The following PRKCH variants were observed in gnomAD, a reference collection of about 807,000 sequenced individuals.
PRKCH encodes the protein protein kinase C eta, also known as protein kinase C eta type.
Under a neutral mutation model 82.5 loss-of-function variants are expected in PRKCH, and 28 were observed. The ratio of observed to expected loss-of-function variants is 0.34; its 90% CI spans 0.25 to 0.47. PRKCH has a LOEUF of 0.47. PRKCH is among the 20% of genes least tolerant of loss of function. PRKCH has a pLI of 1.00. For synonymous variants in PRKCH, 322 were observed against 327.4 expected, an observed-to-expected ratio of 0.98 and a Z score of 0.18; for missense variants, 705 against 881.8, an observed-to-expected ratio of 0.80 and a Z score of 2.54.
intron 1 of PRKCH, among the ~76,000 whole-genome samples, chr14:61,315,264 G>A (rs886236680): frequency 4.6e-5 from 7 of 151,976 alleles, no homozygotes; most frequent in Non-Finnish European, 1.0e-4. Flanking sequence ...GTGTAGTAGC[G>A]GTAGTTTTCA....
chr14:61,520,054 G>A (rs1372195001), intron 10 of PRKCH, among the ~76,000 whole-genome samples: 2 of 144,562 alleles, frequency 1.4e-5, no homozygotes, highest in Non-Finnish European at 1.5e-5. Flanking sequence ...GGGAATTATG[G>A]CCTTAAATAC....
intron 9 of PRKCH, among the ~76,000 whole-genome samples, chr14:61,481,867 T>C (rs751126772): frequency 3.3e-5 from 5 of 152,252 alleles, no homozygotes; most frequent in East Asian, 3.9e-4. Flanking sequence ...CAGCAGCAGC[T>C]ATCACTTACT....
At chr14:61,324,387 A>G (rs1196230649) in intron 1 of PRKCH, among the ~76,000 whole-genome samples, 1 of 152,234 alleles carries the variant, frequency 6.6e-6, no homozygotes, top group Non-Finnish European at 1.5e-5. Context: ...AGGGAGGGTC[A>G]GCATTTAAAT....
intron 1 of PRKCH, among the ~76,000 whole-genome samples, chr14:61,355,555 C>T (rs984041593): frequency 1.3e-5 from 2 of 152,042 alleles, no homozygotes; most frequent in African/African-American, 4.8e-5. Flanking sequence ...GGATGATCAT[C>T]AAATAAATAT....
At chr14:61,538,676 C>T (rs2043143703) in intron 12 of PRKCH, among the ~76,000 whole-genome samples, 1 of 152,174 alleles carries the variant, frequency 6.6e-6, no homozygotes, top group Non-Finnish European at 1.5e-5. Context: ...GATTTGCTAA[C>T]CGGTGTCTGT....
chr14:61,477,958 A>C (rs1156240409), intron 9 of PRKCH, among the ~76,000 whole-genome samples: 1 of 152,042 alleles, frequency 6.6e-6, no homozygotes, highest in Non-Finnish European at 1.5e-5. Flanking sequence ...CCAGTCTTGG[A>C]GGTCTGTGAA....
chr14:61,402,076 C>A (rs954960899), intron 2 of PRKCH, among the ~76,000 whole-genome samples: 4 of 152,184 alleles, frequency 2.6e-5, no homozygotes, highest in Admixed American at 1.3e-4. Context: ...GACAACTTCC[C>A]AGTACTTATT....
At chr14:61,528,825 G>A (rs1047171750) in intron 10 of PRKCH, 8 of 298,100 alleles carry the variant, frequency 2.7e-5, no homozygotes, top group African/African-American at 1.5e-4. Flanking sequence ...ACATTTTCCT[G>A]TGGTCAGCCC....
In PRKCH at chr14:61,394,539, ACT is replaced by A. The variant is rs148325514; in HGVS notation, c.427+3256_427+3257del. ...ATTCTCTCTCATTCGAGCTGAATCA[ACT>A]CTCTGCATTAAGTTACAAGGGACTG... is the stretch of plus-strand genomic sequence containing the variant. On this transcript the variant is annotated intron_variant, in intron 2 of 13. Coordinates refer to ENST00000332981, the MANE Select transcript of PRKCH (RefSeq NM_006255.5). Among the ~76,000 whole-genome samples, 132 of 152,220 alleles carry A rather than the reference ACT, an allele frequency of 8.7e-4. 1 individual carries two copies. The highest frequency in any genetic ancestry group is 1.5e-3 in the Non-Finnish European group (102 of 68,014).
intron 1 of PRKCH, among the ~76,000 whole-genome samples, chr14:61,195,912 G>A (rs1042617439): frequency 6.6e-6 from 1 of 152,160 alleles, no homozygotes; most frequent in Admixed American, 6.5e-5. Flanking sequence ...AGCACCCTGG[G>A]GGTTAGGGCT....
intron 10 of PRKCH, among the ~76,000 whole-genome samples, chr14:61,496,087 G>A (rs1886656096): frequency 1.3e-5 from 2 of 152,194 alleles, no homozygotes; most frequent in Non-Finnish European, 2.9e-5. Flanking sequence ...AGGAGCAGCA[G>A]AGGGACCAGT....
intron 1 of PRKCH, among the ~76,000 whole-genome samples, chr14:61,293,757 C>G (rs1314800561): frequency 6.6e-6 from 1 of 152,188 alleles, no homozygotes; most frequent in Admixed American, 6.5e-5. Flanking sequence ...CGGTCAGCCT[C>G]TGCTTGCAAA....
At chr14:61,428,321 C>T (rs577317438) in intron 2 of PRKCH, among the ~76,000 whole-genome samples, 16 of 152,022 alleles carry the variant, frequency 1.1e-4, no homozygotes, top group African/African-American at 3.4e-4. Flanking sequence ...TCTATTCTGT[C>T]GGTTTTAGGT....
chr14:61,225,817 C>T (rs550943092), intron 1 of PRKCH, among the ~76,000 whole-genome samples: 6 of 151,922 alleles, frequency 3.9e-5, no homozygotes, highest in Admixed American at 1.3e-4. Context: ...TGGCTCACTG[C>T]AACCTCTGCT....
chr14:61,220,097 GCAGA>G (rs1016996255), intron 1 of PRKCH, among the ~76,000 whole-genome samples: 6 of 152,150 alleles, frequency 3.9e-5, no homozygotes, highest in Admixed American at 6.5e-5. Context: ...CCCTGGGAAG[GCAGA>G]CAGTCCCAGG....
intron 3 of PRKCH, 48 bp downstream of exon 3, chr14:61,443,309 G>T: frequency 1.9e-6 from 3 of 1,559,364 alleles, no homozygotes; most frequent in Non-Finnish European, 2.6e-6. Context: ...CCATCTAATA[G>T]GCTTCCTCTG....
At chr14:61,411,359 A>G (rs1305025086) in intron 2 of PRKCH, among the ~76,000 whole-genome samples, 1 of 152,236 alleles carries the variant, frequency 6.6e-6, no homozygotes, top group Non-Finnish European at 1.5e-5. Flanking sequence ...CCAGTCAGCC[A>G]CAGATGTATT....
At chr14:61,505,326 A>T (rs1249399750) in intron 10 of PRKCH, among the ~76,000 whole-genome samples, 1 of 148,464 alleles carries the variant, frequency 6.7e-6, no homozygotes, top group Non-Finnish European at 1.5e-5. Flanking sequence ...CTGCCTTCTC[A>T]CTGAGACTTC....
chr14:61,329,232 G>GTTTTTTTTTTTTTT (rs369546229), intron 1 of PRKCH, among the ~76,000 whole-genome samples: 1 of 16,134 alleles, frequency 6.2e-5, no homozygotes, highest in African/African-American at 1.1e-4. Flanking sequence ...AAACTCCTGA[G>GTTTTTTTTTTTTTT]TCTTTTTTTT....
Sources: allele counts gnomAD v4.1 joint callset (sites outside exome capture counted in the v4.1 genomes callset), GRCh38; gene constraint gnomAD v4.1.1; transcripts MANE v1.5; gene names NCBI Gene and HGNC (gene_info 2026-07-23, HGNC 2026-07-21).